CDC42SE2: variants seen among roughly 807,000 people sequenced by gnomAD.
CDC42SE2 encodes the protein CDC42 small effector protein 2.
In CDC42SE2, 3 loss-of-function variants were observed where a neutral mutation model predicts 11.5. The ratio of observed to expected loss-of-function variants is 0.26; its 90% confidence interval spans 0.12 to 0.67. CDC42SE2 has a LOEUF of 0.67. Among genes scored for constraint, CDC42SE2 ranks in the 30% least tolerant of loss-of-function variants. CDC42SE2 has a pLI of 0.80. For missense variants in CDC42SE2, 82 were observed against 106.8 expected (o/e 0.77, Z 1.02); for synonymous variants, 33 against 34.8 (o/e 0.95, Z 0.18).
chr5:131,339,822 AAG>A (rs368932993), intron 2 of CDC42SE2, among the ~76,000 whole-genome samples: 2,481 of 151,440 alleles, frequency 0.016, 66 homozygotes, highest in African/African-American at 0.058. Flanking sequence ...AAAAAAAAAA[AAG>A]AGAGAGAAAA....
chr5:131,351,889 G>A (rs139855378), intron 2 of CDC42SE2, among the ~76,000 whole-genome samples: 230 of 152,132 alleles, frequency 1.5e-3, no homozygotes, highest in African/African-American at 5.4e-3. Flanking sequence ...ACAAAGACCA[G>A]GACAAAATAT....
At chr5:131,367,046 T>C (rs1186063858) in intron 3 of CDC42SE2, among the ~76,000 whole-genome samples, 1 of 151,230 alleles carries the variant, frequency 6.6e-6, no homozygotes, top group Non-Finnish European at 1.5e-5. Flanking sequence ...ATTTTTTATA[T>C]ATATATATAA....
chr5:131,231,357 G>A, the CDC42SE2 span, among the ~76,000 whole-genome samples: 1 of 151,840 alleles, frequency 6.6e-6, no homozygotes. Flanking sequence ...AAATTCAGTG[G>A]CATAAAACTA....
chr5:131,348,723 A>T (rs1249269560), intron 2 of CDC42SE2, among the ~76,000 whole-genome samples: 1 of 151,966 alleles, frequency 6.6e-6, no homozygotes, highest in South Asian at 2.1e-4. Context: ...GAGGCATCAC[A>T]CTATCTGACT....
rs1049921329 is a variant in CDC42SE2, at chr5:131,394,299, G to A, written c.*3208G>A. 6.6e-5 allele frequency: 10 copies of A among 152,326 alleles called. No homozygotes were observed. Among genetic ancestry groups the A allele is most frequent in the African/African-American group, 2.4e-4 (10 of 41,440 alleles). The allele number at this position is 152,326 out of a possible 1,614,324, so 9.4% of individuals were successfully genotyped here. A position where few individuals can be genotyped will look rare whatever the true frequency, so the allele number is the denominator to read the frequency against. On this transcript the variant is annotated 3_prime_UTR_variant, in exon 5 of 5. Coordinates refer to ENST00000505065, the MANE Select transcript of CDC42SE2 (RefSeq NM_001375635.1). The stretch of plus-strand genomic sequence containing the variant: ...CAGTGATCTGCATTCTGTAAAAGAG[G>A]TACTTTCCCATGATGTAGGCATGAA...
chr5:131,300,713 G>T (rs975715107), intron 1 of CDC42SE2, among the ~76,000 whole-genome samples: 21 of 151,684 alleles, frequency 1.4e-4, no homozygotes, highest in Non-Finnish European at 2.8e-4. Flanking sequence ...AACCTGGGAG[G>T]TGGAGCTTGC....
At chr5:131,360,803 G>T (rs1749684407) in intron 3 of CDC42SE2, among the ~76,000 whole-genome samples, 1 of 152,074 alleles carries the variant, frequency 6.6e-6, no homozygotes, top group African/African-American at 2.4e-5. Flanking sequence ...AATCTCAAGT[G>T]ATTCACCTGC....
chr5:131,243,572 C>G (rs942400143), upstream of CDC42SE2, among the ~76,000 whole-genome samples: 3 of 152,078 alleles, frequency 2.0e-5, no homozygotes, highest in Non-Finnish European at 4.4e-5. Flanking sequence ...GGTGACAGAG[C>G]GAGACTCCGT....
Position 131,393,862 on chromosome 5 carries a change from A to ATGT in CDC42SE2, c.*2772_*2774dup, listed in dbSNP as rs2149794053. On this transcript the variant is annotated 3_prime_UTR_variant, in exon 5 of 5. Coordinates refer to ENST00000505065, the MANE Select transcript of CDC42SE2 (RefSeq NM_001375635.1). The stretch of plus-strand genomic sequence containing the variant: ...TTTTTTTGCTGCTCCAACGACCAGC[A>ATGT]TGTGTTGGAGCAGATCTCCATGGTA... 8.3e-6 allele frequency: 1 copy of ATGT among 120,562 alleles called. No homozygotes were observed. Among genetic ancestry groups the ATGT allele is most frequent in the South Asian group, 2.7e-4 (1 of 3,752 alleles). The allele number at this position is 120,562 out of a possible 1,614,324, so 7.5% of individuals were successfully genotyped here.
rs1750744508 is a variant in CDC42SE2 at position 131,393,691 on chromosome 5, T to A, written c.*2600T>A. 6.6e-6 allele frequency: 1 copy of A among 152,230 alleles called. No homozygotes were observed. Among genetic ancestry groups the A allele is most frequent in the Non-Finnish European group, 1.5e-5 (1 of 67,958 alleles). 9.4% of individuals were successfully genotyped at this position (152,230 alleles called of 1,614,324 possible). ...TCAGCACTCATGCTATTTAGTCTAC[T>A]TCTATTTTGACTGACTCTTTAAATT... is the stretch of plus-strand genomic sequence containing the variant. On this transcript the variant is annotated 3_prime_UTR_variant, in exon 5 of 5. Coordinates refer to ENST00000505065, the MANE Select transcript of CDC42SE2 (RefSeq NM_001375635.1).
intron 1 of CDC42SE2, among the ~76,000 whole-genome samples, chr5:131,309,124 A>T (rs1757842747): frequency 6.6e-6 from 1 of 152,186 alleles, no homozygotes; most frequent in Admixed American, 6.5e-5. Context: ...CATCCCATCA[A>T]TACCTAATTT....
At chr5:131,328,941 G>T (rs952476557) in intron 2 of CDC42SE2, among the ~76,000 whole-genome samples, 5 of 152,176 alleles carry the variant, frequency 3.3e-5, no homozygotes, top group African/African-American at 1.2e-4. Context: ...AAATAATACT[G>T]GATACTGGAA....
chr5:131,362,720 G>A (rs1383512055), intron 3 of CDC42SE2, among the ~76,000 whole-genome samples: 1 of 152,130 alleles, frequency 6.6e-6, no homozygotes, highest in Non-Finnish European at 1.5e-5. Context: ...GGGTATAATA[G>A]AGCCCCAATG....
At chr5:131,314,130 T>C (rs1005241039) in intron 1 of CDC42SE2, among the ~76,000 whole-genome samples, 17 of 152,234 alleles carry the variant, frequency 1.1e-4, no homozygotes, top group African/African-American at 3.9e-4. Flanking sequence ...CATTGATCTA[T>C]GAACATAATA....
the CDC42SE2 span, among the ~76,000 whole-genome samples, chr5:131,233,801 C>A: frequency 1.1e-3 from 172 of 152,300 alleles, 1 homozygote; most frequent in South Asian, 3.9e-3. Context: ...CTCCAAATTT[C>A]TTTCATTATC....
chr5:131,347,007 G>A (rs1049280675), intron 2 of CDC42SE2, among the ~76,000 whole-genome samples: 10 of 152,136 alleles, frequency 6.6e-5, no homozygotes, highest in African/African-American at 2.2e-4. Context: ...AGTGTGTAGA[G>A]GGAAATTTAT....
At chr5:131,341,002 A>G (rs1758698882) in intron 2 of CDC42SE2, among the ~76,000 whole-genome samples, 1 of 152,174 alleles carries the variant, frequency 6.6e-6, no homozygotes, top group Non-Finnish European at 1.5e-5. Flanking sequence ...TGAAGAAGGA[A>G]GTTGAACTTC....
chr5:131,351,901 C>T (rs1759021930), intron 2 of CDC42SE2, among the ~76,000 whole-genome samples: 2 of 152,152 alleles, frequency 1.3e-5, no homozygotes, highest in South Asian at 4.1e-4. Context: ...ACAAAATATT[C>T]ACTATGCATA....
intron 1 of CDC42SE2, among the ~76,000 whole-genome samples, chr5:131,288,281 C>G (rs1465649266): frequency 6.6e-6 from 1 of 151,878 alleles, no homozygotes; most frequent in Non-Finnish European, 1.5e-5. Context: ...GTAAATGCAA[C>G]TTTTCCTCTT....
Sources: allele counts gnomAD v4.1 joint callset (sites outside exome capture counted in the v4.1 genomes callset), GRCh38; gene constraint gnomAD v4.1.1; transcripts MANE v1.5; gene names NCBI Gene and HGNC (gene_info 2026-07-23, HGNC 2026-07-21).